The following DCC variants were observed in gnomAD, a reference collection of about 807,000 sequenced individuals.
The protein encoded by DCC is netrin receptor DCC.
DCC carries 58 observed loss-of-function variants against 172.5 expected under a neutral mutation model. The ratio of observed to expected loss-of-function variants is 0.34; its 90% CI spans 0.27 to 0.42. The LOEUF (loss-of-function observed/expected upper bound fraction) is 0.42. Ranked by LOEUF, DCC falls within the 10% of genes least tolerant of loss-of-function variation. The pLI is 1.00. For synonymous variants in DCC, 709 were observed against 644.5 expected (o/e 1.10, Z -1.52); for missense variants, 1,740 against 1,791.0 (o/e 0.97, Z 0.51).
At chr18:52,636,781 G>A (rs1314237314) in intron 1 of DCC, among the ~76,000 whole-genome samples, 2 of 152,064 alleles carry the variant, frequency 1.3e-5, no homozygotes, top group Admixed American at 6.5e-5. Flanking sequence ...GGAGTTCTAG[G>A]GCCCCGCCCA....
At position 52,853,732 on chromosome 18, in the gene DCC, T is replaced by C. The variant is rs144142199; in HGVS notation, c.413-52312T>C. 6.1e-3 allele frequency among the ~76,000 whole-genome samples: 922 copies of C among 152,306 alleles called. 6 individuals carry two copies. Among genetic ancestry groups the C allele is most frequent in the African/African-American group, 0.021 (887 of 41,560 alleles). On this transcript the variant is annotated intron_variant, in intron 2 of 28. Coordinates refer to ENST00000442544, the MANE Select transcript of DCC (RefSeq NM_005215.4). ...GTTTCACTACTTCAGGCTCTCACTG[T>C]TCCTAGGTCAGGGACCAAGACCACA...
At chr18:52,373,240 C>T (rs367969145) in intron 1 of DCC, among the ~76,000 whole-genome samples, 1 of 152,092 alleles carries the variant, frequency 6.6e-6, no homozygotes, top group South Asian at 2.1e-4. Flanking sequence ...CATCTTTCCC[C>T]CTACCCTCAA....
intron 15 of DCC, among the ~76,000 whole-genome samples, chr18:53,355,906 A>G (rs895945951): frequency 6.6e-6 from 1 of 152,078 alleles, no homozygotes; most frequent in South Asian, 2.1e-4. Flanking sequence ...TATAGTTTTC[A>G]TTATGCTTCT....
intron 1 of DCC, among the ~76,000 whole-genome samples, chr18:52,699,415 C>G (rs531130176): frequency 5.3e-5 from 8 of 152,280 alleles, no homozygotes; most frequent in East Asian, 1.9e-4. Flanking sequence ...CCTATCCCCC[C>G]CAAGGTTTGA....
intron 1 of DCC, among the ~76,000 whole-genome samples, chr18:52,509,590 C>T (rs117770721): frequency 6.6e-6 from 1 of 152,276 alleles, no homozygotes; most frequent in Non-Finnish European, 1.5e-5. Context: ...TCATCCAGAA[C>T]CTCATGGCTA....
At chr18:52,780,965 T>C (rs1174274171) in intron 2 of DCC, among the ~76,000 whole-genome samples, 1 of 152,096 alleles carries the variant, frequency 6.6e-6, no homozygotes, top group African/African-American at 2.4e-5. Flanking sequence ...GAGTTATGTA[T>C]GACATTTCTA....
intron 23 of DCC, among the ~76,000 whole-genome samples, chr18:53,453,664 A>G (rs937620779): frequency 2.0e-5 from 3 of 152,198 alleles, no homozygotes; most frequent in African/African-American, 7.2e-5. Flanking sequence ...ATTATATAAA[A>G]TAGCTAATGA....
intron 27 of DCC, among the ~76,000 whole-genome samples, chr18:53,505,006 A>G (rs1380706192): frequency 6.6e-6 from 1 of 152,196 alleles, no homozygotes; most frequent in Non-Finnish European, 1.5e-5. Flanking sequence ...AGTTATTCTT[A>G]GAGTGACTTT....
At chr18:53,307,240 G>A (rs934456420) in intron 13 of DCC, among the ~76,000 whole-genome samples, 1 of 152,094 alleles carries the variant, frequency 6.6e-6, no homozygotes, top group Non-Finnish European at 1.5e-5. Context: ...TGAATCTAAC[G>A]GAAAGTTTAA....
intron 2 of DCC, among the ~76,000 whole-genome samples, chr18:52,877,102 C>T (rs963593021): frequency 8.5e-5 from 13 of 152,140 alleles, no homozygotes; most frequent in African/African-American, 1.2e-4. Flanking sequence ...ATACTGTAAT[C>T]GTACCCTGGA....
intron 16 of DCC, among the ~76,000 whole-genome samples, chr18:53,386,401 A>G (rs1246076874): frequency 1.3e-5 from 2 of 152,174 alleles, no homozygotes; most frequent in East Asian, 3.9e-4. Context: ...CTTAGAGAAT[A>G]TAGATCTCTC....
intron 5 of DCC, among the ~76,000 whole-genome samples, chr18:53,040,213 T>TTA (rs1473141434): frequency 6.6e-6 from 1 of 151,986 alleles, no homozygotes; most frequent in Non-Finnish European, 1.5e-5. Flanking sequence ...TATTGAACAG[T>TTA]TACTATGTGC....
At chr18:52,942,761 C>A (rs1002552670) in intron 5 of DCC, among the ~76,000 whole-genome samples, 1 of 152,150 alleles carries the variant, frequency 6.6e-6, no homozygotes, top group Non-Finnish European at 1.5e-5. Context: ...TATGGAAGTA[C>A]AATTCAACAT....
chr18:53,129,847 T>C (rs1431841108), intron 7 of DCC, among the ~76,000 whole-genome samples: 2 of 152,124 alleles, frequency 1.3e-5, no homozygotes, highest in African/African-American at 4.8e-5. Flanking sequence ...TTCTTTTGGG[T>C]AAAAATGTAG....
At chr18:53,260,296 C>A (rs972263631) in intron 12 of DCC, among the ~76,000 whole-genome samples, 8 of 152,032 alleles carry the variant, frequency 5.3e-5, no homozygotes, top group African/African-American at 1.9e-4. Context: ...TTAGAGTTTC[C>A]AGTTTTTCTG....
chr18:52,359,228 G>A (rs1984512663), intron 1 of DCC, among the ~76,000 whole-genome samples: 2 of 152,110 alleles, frequency 1.3e-5, no homozygotes, highest in Admixed American at 1.3e-4. Flanking sequence ...ACCATAGGCT[G>A]TTTCATTGGG....
At chr18:53,278,193 C>A (rs2144721565) in intron 12 of DCC, among the ~76,000 whole-genome samples, 2 of 152,022 alleles carry the variant, frequency 1.3e-5, no homozygotes, top group Middle Eastern at 6.8e-3. Context: ...GAATAATTAA[C>A]CTCATGGTGC....
chr18:52,816,747 C>T (rs1390360849), intron 2 of DCC: 1 of 152,092 alleles, frequency 6.6e-6, no homozygotes, highest in Non-Finnish European at 1.5e-5. Flanking sequence ...GCAGCTGTCC[C>T]CAGGCCCCAA....
At chr18:53,226,249 T>C (rs893357165) in intron 12 of DCC, among the ~76,000 whole-genome samples, 2 of 152,234 alleles carry the variant, frequency 1.3e-5, no homozygotes, top group African/African-American at 4.8e-5. Context: ...AGGTTCTCAG[T>C]GGGAATTTTT....
Sources: allele counts gnomAD v4.1 joint callset (sites outside exome capture counted in the v4.1 genomes callset), GRCh38; gene constraint gnomAD v4.1.1; transcripts MANE v1.5; gene names NCBI Gene and HGNC (gene_info 2026-07-23, HGNC 2026-07-21).